The following CUX2 variants were observed in gnomAD, a reference collection of about 807,000 sequenced individuals.
The protein encoded by CUX2 is cut like homeobox 2.
CUX2 carries 40 observed loss-of-function variants against 144.8 expected under a neutral mutation model. The ratio of observed to expected loss-of-function variants is 0.28; its 90% CI spans 0.21 to 0.36. The LOEUF (loss-of-function observed/expected upper bound fraction) is 0.36. CUX2 is among the 10% of genes least tolerant of loss of function. CUX2 has a pLI of 1.00. For missense variants in CUX2, 1,615 were observed against 1,994.0 expected, an observed-to-expected ratio of 0.81 and a Z score of 3.62; for synonymous variants, 827 against 875.6, an observed-to-expected ratio of 0.94 and a Z score of 0.98.
intron 1 of CUX2, among the ~76,000 whole-genome samples, chr12:111,135,211 GAAGA>G (rs973365618): frequency 1.3e-5 from 2 of 148,754 alleles, no homozygotes; most frequent in Non-Finnish European, 3.0e-5. Flanking sequence ...AAAAAAAAGA[GAAGA>G]AAGAATGGGG....
At chr12:111,213,213 A>G (rs1881328622) in intron 1 of CUX2, among the ~76,000 whole-genome samples, 1 of 152,242 alleles carries the variant, frequency 6.6e-6, no homozygotes. Context: ...ATGGTCCAGA[A>G]AAAAAGCCCA....
At chr12:111,123,547 T>C (rs991549636) in intron 1 of CUX2, among the ~76,000 whole-genome samples, 1 of 151,972 alleles carries the variant, frequency 6.6e-6, no homozygotes, top group Admixed American at 6.5e-5. Flanking sequence ...CACTTAATTT[T>C]TTTTTTGAGA....
At chr12:111,241,308 C>G (rs967951587) in intron 3 of CUX2, among the ~76,000 whole-genome samples, 2 of 152,208 alleles carry the variant, frequency 1.3e-5, no homozygotes, top group Non-Finnish European at 2.9e-5. Context: ...ACACTTCTCA[C>G]TAGGCCCCGA....
Position 111,248,130 on chromosome 12 carries a change from A to G in CUX2, c.223-15631A>G, listed in dbSNP as rs539133137. 2.6e-5 allele frequency among the ~76,000 whole-genome samples: 4 copies of G among 152,168 alleles called. No homozygotes were observed. The South Asian group carries it at 8.3e-4, about 32-fold the overall frequency. On this transcript the variant is annotated intron_variant, in intron 3 of 21. Transcript: ENST00000261726. ...TGGCCAGGCTGGTCTTGAACTCCTG[A>G]CCTCAGGTGATCCACCCACCTTGGC...
rs1888600534 is a variant in CUX2, at chr12:111,342,060, C to T, written c.3659+7C>T. 1 of 1,606,422 alleles carries T rather than the reference C, an allele frequency of 6.2e-7. No homozygotes were observed. The highest frequency in any genetic ancestry group is 1.1e-5 in the South Asian group (1 of 89,702). The stretch of plus-strand genomic sequence containing the variant: ...ACTGGTTCCACAACTACAGGTGGGA[C>T]TATGGGGGCGTACCCACAGGCGGGT... On this transcript the variant is annotated splice_region_variant and intron_variant, in intron 21 of 21. Transcript: ENST00000261726.
chr12:111,345,042 T>C (rs1288835080), intron 21 of CUX2, among the ~76,000 whole-genome samples: 1 of 152,090 alleles, frequency 6.6e-6, no homozygotes, highest in East Asian at 1.9e-4. Flanking sequence ...GTGCTGGTAT[T>C]ACAGGCATGA....
intron 1 of CUX2, among the ~76,000 whole-genome samples, chr12:111,041,932 C>T (rs749375171): frequency 3.3e-5 from 5 of 152,202 alleles, no homozygotes; most frequent in Non-Finnish European, 7.4e-5. Flanking sequence ...GCTGTCTCTG[C>T]TTCTTCCCAG....
intron 1 of CUX2, among the ~76,000 whole-genome samples, chr12:111,176,875 T>G (rs1878886668): frequency 6.6e-6 from 1 of 152,148 alleles, no homozygotes; most frequent in South Asian, 2.1e-4. Context: ...TGAGATCCAG[T>G]TTTCTCAACC....
At chr12:111,258,252 C>T (rs994201984) in intron 3 of CUX2, among the ~76,000 whole-genome samples, 46 of 152,316 alleles carry the variant, frequency 3.0e-4, no homozygotes, top group Non-Finnish European at 2.4e-4. Flanking sequence ...GTGGCTCACG[C>T]GTGTAATCCC....
intron 1 of CUX2, among the ~76,000 whole-genome samples, chr12:111,053,655 ACT>A (rs1268099686): frequency 6.6e-6 from 1 of 151,834 alleles, no homozygotes; most frequent in Non-Finnish European, 1.5e-5. Flanking sequence ...TCTTTCCCTG[ACT>A]CTGCGCTGGG....
chr12:111,278,868 G>A (rs1884999552), intron 4 of CUX2, among the ~76,000 whole-genome samples: 1 of 152,200 alleles, frequency 6.6e-6, no homozygotes, highest in Admixed American at 6.5e-5. Flanking sequence ...GCCCGGCAGA[G>A]CATTCTCCTC....
At chr12:111,067,358 G>A (rs980316125) in intron 1 of CUX2, among the ~76,000 whole-genome samples, 1 of 152,206 alleles carries the variant, frequency 6.6e-6, no homozygotes, top group Non-Finnish European at 1.5e-5. Flanking sequence ...AAGGAAGGAA[G>A]CCTGAAGGAA....
intron 3 of CUX2, among the ~76,000 whole-genome samples, chr12:111,227,493 G>A (rs1001325103): frequency 2.0e-5 from 3 of 152,188 alleles, no homozygotes; most frequent in Non-Finnish European, 4.4e-5. Context: ...TGGTGATTCA[G>A]TGTTGCTACC....
At position 111,289,868 on chromosome 12, in the gene CUX2, C is replaced by T. The variant is rs1373877456; in HGVS notation, c.302-1550C>T. Among the ~76,000 whole-genome samples the T allele has an allele frequency of 2.0e-5, 3 of 152,108 alleles. No homozygotes were observed. The highest frequency in any genetic ancestry group is 3.4e-3 in the Middle Eastern group (1 of 294). Reference sequence around the variant, plus strand: ...GCAGGGAGCAGGAAGGCTGGGAGAGCTCGCGGAGAGGTGGGGCAGCTGCCT... The same window carrying T: ...GCAGGGAGCAGGAAGGCTGGGAGAGTTCGCGGAGAGGTGGGGCAGCTGCCT... On this transcript the variant is annotated intron_variant, in intron 4 of 21. Transcript: ENST00000261726. The surrounding 1 kb of genome is among the most constrained non-coding windows in gnomAD (Gnocchi z 4.1).
intron 3 of CUX2, among the ~76,000 whole-genome samples, chr12:111,253,849 A>T: frequency 1.4e-5 from 2 of 142,924 alleles, no homozygotes; most frequent in Non-Finnish European, 1.5e-5. Context: ...ATGGAGTCTC[A>T]CTCTGTTTCC....
chr12:111,268,870 A>C (rs1170094791), intron 4 of CUX2, among the ~76,000 whole-genome samples: 1 of 152,186 alleles, frequency 6.6e-6, no homozygotes, highest in Non-Finnish European at 1.5e-5. Flanking sequence ...GACCCTGTAC[A>C]GACCCCAGAG....
At chr12:111,153,205 C>T (rs79889861) in intron 1 of CUX2, among the ~76,000 whole-genome samples, 58 of 152,306 alleles carry the variant, frequency 3.8e-4, no homozygotes, top group East Asian at 1.9e-3. Context: ...CTGCTGAATG[C>T]GTGGCATTCT....
intron 8 of CUX2, among the ~76,000 whole-genome samples, chr12:111,297,037 C>T (rs1368810332): frequency 6.6e-6 from 1 of 150,968 alleles, no homozygotes; most frequent in Non-Finnish European, 1.5e-5. Context: ...CCCAGACACG[C>T]CTCCTCCCTC....
intron 1 of CUX2, among the ~76,000 whole-genome samples, chr12:111,166,938 G>A (rs990138445): frequency 6.6e-6 from 1 of 152,220 alleles, no homozygotes; most frequent in Non-Finnish European, 1.5e-5. Flanking sequence ...TGGCTGCCAC[G>A]TGGAGTGCCG....
Sources: gnomAD v4.1 joint callset for allele counts (sites outside exome capture counted in the v4.1 genomes callset) on GRCh38, gnomAD v4.1.1 for gene constraint, Gnocchi (gnomAD v3.1) non-coding constraint, MANE v1.5 for transcripts, NCBI Gene and HGNC (gene_info 2026-07-23, HGNC 2026-07-21) for gene names.